Variants in ADGRL4 observed in about 807,000 individuals in gnomAD.
The protein encoded by ADGRL4 is adhesion G protein-coupled receptor L4.
A neutral mutation model predicts 74.8 loss-of-function variants in ADGRL4; 90 were observed. That is an observed-to-expected ratio of 1.20 (90% CI 1.02 to 1.43). ADGRL4 has a LOEUF of 1.43. Among genes scored for constraint, ADGRL4 ranks in the 40% most tolerant of loss-of-function variants. The probability of loss-of-function intolerance (pLI) is 0.00; values close to 1 mark genes in which losing one functional copy is unlikely to be tolerated. For synonymous variants in ADGRL4, 311 were observed against 279.2 expected (o/e 1.11, Z -1.14); for missense variants, 881 against 814.3 (o/e 1.08, Z -1.00).
intron 12 of ADGRL4, among the ~76,000 whole-genome samples, chr1:78,894,441 G>A (rs1387192960): frequency 3.3e-5 from 5 of 151,734 alleles, no homozygotes; most frequent in Non-Finnish European, 7.4e-5. Flanking sequence ...TTTAGCAATT[G>A]TAGAGGTGAG....
intron 12 of ADGRL4, 111 bp downstream of exon 12, chr1:78,917,523 G>A (rs1648901603): frequency 3.2e-6 from 2 of 623,594 alleles, no homozygotes; most frequent in Non-Finnish European, 2.7e-6. Context: ...GTGATATACT[G>A]TAAAATATTC....
chr1:78,988,548 C>T (rs1192265120), intron 2 of ADGRL4, among the ~76,000 whole-genome samples: 1 of 151,798 alleles, frequency 6.6e-6, no homozygotes, highest in African/African-American at 2.4e-5. Flanking sequence ...GATACATTTC[C>T]ATACAAATCT....
At chr1:78,973,875 T>G (rs1570265313) in intron 2 of ADGRL4, among the ~76,000 whole-genome samples, 1 of 152,120 alleles carries the variant, frequency 6.6e-6, no homozygotes, top group African/African-American at 2.4e-5. Context: ...TTTACTGTTC[T>G]AATAAATAAA....
chr1:78,937,078 G>A lies in ADGRL4; in HGVS notation c.761-667C>T, dbSNP rs887067858. 3.9e-5 allele frequency among the ~76,000 whole-genome samples: 6 copies of A among 152,192 alleles called. No individual in the cohort carries two copies. In the South Asian group the frequency reaches 6.2e-4, roughly 16 times the overall value. ...TTAAGTATGAATTTGCATGAAGCAG[G>A]AAACATTCTAATTTGCTATGTTGAT... is the stretch of plus-strand genomic sequence containing the variant. On this transcript the variant is annotated intron_variant, in intron 6 of 14. Transcript: ENST00000370742.
chr1:78,919,630 C>A (rs2100671055), intron 10 of ADGRL4, among the ~76,000 whole-genome samples: 1 of 152,004 alleles, frequency 6.6e-6, no homozygotes, highest in East Asian at 1.9e-4. Context: ...CCCAGCAATT[C>A]TCTTAATAAA....
chr1:78,993,955 A>G (rs1183869726), intron 2 of ADGRL4, among the ~76,000 whole-genome samples: 1 of 152,206 alleles, frequency 6.6e-6, no homozygotes, highest in Non-Finnish European at 1.5e-5. Context: ...TTGATACATA[A>G]GATCCAAAAG....
chr1:78,896,354 T>C (rs538388138), intron 12 of ADGRL4, among the ~76,000 whole-genome samples: 123 of 152,260 alleles, frequency 8.1e-4, no homozygotes, highest in Non-Finnish European at 1.6e-3. Flanking sequence ...GTCTGTTTTG[T>C]CTGTCCTTTG....
At chr1:78,908,031 C>T in intron 12 of ADGRL4, among the ~76,000 whole-genome samples, 1 of 151,960 alleles carries the variant, frequency 6.6e-6, no homozygotes, top group East Asian at 1.9e-4. Flanking sequence ...AAGACCAAGC[C>T]ACGCAGACTG....
At chr1:78,899,561 C>T (rs1324695823) in intron 12 of ADGRL4, among the ~76,000 whole-genome samples, 1 of 152,042 alleles carries the variant, frequency 6.6e-6, no homozygotes, top group Non-Finnish European at 1.5e-5. Flanking sequence ...CGCCATATTG[C>T]CCAAGCTGTT....
At chr1:78,936,236 T>C in intron 7 of ADGRL4, 59 bp downstream of exon 7, 1 of 1,525,806 alleles carries the variant, frequency 6.6e-7, no homozygotes, top group Non-Finnish European at 8.8e-7. Context: ...ATCAAATGCA[T>C]GATAAATATT....
intron 2 of ADGRL4, among the ~76,000 whole-genome samples, chr1:78,994,987 C>A (rs1650685015): frequency 6.6e-6 from 1 of 152,178 alleles, no homozygotes; most frequent in Admixed American, 6.5e-5. Context: ...ACACAAAGAT[C>A]AGTTTCACTA....
rs547607177 is a variant in ADGRL4, at chr1:78,901,682, G to T, written c.1750-8493C>A. Among the ~76,000 whole-genome samples, 14 of 152,286 alleles carry T rather than the reference G, an allele frequency of 9.2e-5. 1 individual carries two copies. The South Asian group carries it at 2.9e-3, about 32-fold the overall frequency. On this transcript the variant is annotated intron_variant, in intron 12 of 14. Coordinates refer to ENST00000370742, the MANE Select transcript of ADGRL4 (RefSeq NM_022159.4). ...ACTAGTACATTTGTCAAAATTCACA[G>T]CAAGTATGATGCCACAGTGTTTGGT... is the stretch of plus-strand genomic sequence containing the variant.
At chr1:78,982,537 T>G (rs1650416486) in intron 2 of ADGRL4, among the ~76,000 whole-genome samples, 1 of 151,888 alleles carries the variant, frequency 6.6e-6, no homozygotes, top group South Asian at 2.1e-4. Flanking sequence ...TCCAAAGAAC[T>G]GAAACTTTTT....
intron 10 of ADGRL4, among the ~76,000 whole-genome samples, chr1:78,919,097 TCA>T (rs1648943884): frequency 1.3e-5 from 2 of 151,948 alleles, no homozygotes; most frequent in African/African-American, 2.4e-5. Context: ...GATAAGGAGT[TCA>T]CAGTCTAGTG....
At chr1:78,933,498 C>T (rs1164024903) in intron 7 of ADGRL4, among the ~76,000 whole-genome samples, 2 of 151,434 alleles carry the variant, frequency 1.3e-5, no homozygotes, top group African/African-American at 2.5e-5. Flanking sequence ...AAGCTGGAAG[C>T]ATTCCCTTTG....
At chr1:78,912,815 C>T (rs757718709) in intron 12 of ADGRL4, among the ~76,000 whole-genome samples, 1 of 151,884 alleles carries the variant, frequency 6.6e-6, no homozygotes, top group Non-Finnish European at 1.5e-5. Context: ...TAAAAAGCTT[C>T]TGCACAGCAA....
chr1:78,976,165 A>C (rs552865213), intron 2 of ADGRL4, among the ~76,000 whole-genome samples: 2 of 152,106 alleles, frequency 1.3e-5, no homozygotes, highest in African/African-American at 4.8e-5. Context: ...GAAACAAACA[A>C]GCAAAAACAT....
intron 3 of ADGRL4, among the ~76,000 whole-genome samples, chr1:78,942,033 A>C (rs1316904458): frequency 8.6e-5 from 13 of 152,036 alleles, no homozygotes; most frequent in Admixed American, 8.5e-4. Context: ...CCCCGTCTCT[A>C]CTAAAAATAC....
Position 78,918,064 on chromosome 1 carries a change from A to G in ADGRL4, c.1462-14T>C, listed in dbSNP as rs75253446. The G allele has an allele frequency of 5.4e-6, 5 of 919,766 alleles. No individual in the cohort carries two copies. Among genetic ancestry groups the G allele is most frequent in the South Asian group, 2.4e-5 (1 of 42,322 alleles). The allele number at this position is 919,766 out of a possible 1,614,324, so 57.0% of individuals were successfully genotyped here. A position where few individuals can be genotyped will look rare whatever the true frequency, so the allele number is the denominator to read the frequency against. On this transcript the variant is annotated splice_polypyrimidine_tract_variant and intron_variant, in intron 10 of 14. Coordinates refer to ENST00000370742, the MANE Select transcript of ADGRL4 (RefSeq NM_022159.4). ...TGAACAGAAGAGCTAGAAATCAAAG[A>G]AAAAAAAAAAAACATTGTCAGTGTT...
Sources: gnomAD v4.1 joint callset for allele counts (sites outside exome capture counted in the v4.1 genomes callset) on GRCh38, gnomAD v4.1.1 for gene constraint, MANE v1.5 for transcripts, NCBI Gene and HGNC (gene_info 2026-07-23, HGNC 2026-07-21) for gene names.